Variants in SHTN1 observed in about 807,000 individuals in gnomAD.
SHTN1 encodes the protein shootin 1.
In SHTN1, 42 loss-of-function variants were observed where a neutral mutation model predicts 83.1. The observed-to-expected ratio is 0.51, with a 90% CI of 0.39 to 0.65. SHTN1 has a LOEUF of 0.65. SHTN1 is among the 30% of genes least tolerant of loss of function. The pLI, the probability that SHTN1 is intolerant of heterozygous loss-of-function variation, is 0.00. For synonymous variants in SHTN1, 224 were observed against 247.7 expected (o/e 0.90, Z 0.90); for missense variants, 622 against 737.8 (o/e 0.84, Z 1.82).
intron 7 of SHTN1, among the ~76,000 whole-genome samples, chr10:116,946,556 G>T (rs746137436): frequency 9.5e-6 from 1 of 105,764 alleles, no homozygotes; most frequent in African/African-American, 3.9e-5. Flanking sequence ...TATATAAAAT[G>T]ATTTATATAT....
chr10:116,912,406 A>C (rs1848234195), intron 13 of SHTN1, among the ~76,000 whole-genome samples: 1 of 152,212 alleles, frequency 6.6e-6, no homozygotes, highest in Non-Finnish European at 1.5e-5. Context: ...CTACAGGAGA[A>C]AGTTAGCATG....
At position 116,915,657 on chromosome 10, in the gene SHTN1, GA is replaced by G. The variant is rs1848358472; in HGVS notation, c.1196-174del. On this transcript the variant is annotated intron_variant, in intron 12 of 16. Transcript: ENST00000355371. Reference sequence around the variant, plus strand: ...CAGCTATCAGGTAGCAACACTTAAAGAAAAAACTTTTAGAGAAAAAATCTGA... The same window carrying G: ...CAGCTATCAGGTAGCAACACTTAAAGAAAAACTTTTAGAGAAAAAATCTGA... Among the ~76,000 whole-genome samples the G allele has an allele frequency of 5.3e-5, 8 of 152,150 alleles. 1 individual carries two copies. In the South Asian group the frequency reaches 1.7e-3, roughly 32 times the overall value.
chr10:117,112,870 T>A (rs1853788129), intron 1 of SHTN1, among the ~76,000 whole-genome samples: 1 of 152,246 alleles, frequency 6.6e-6, no homozygotes, highest in Non-Finnish European at 1.5e-5. Context: ...ACATATATGA[T>A]TTATCAACCA....
Position 116,975,662 on chromosome 10 carries a change from T to C in SHTN1, c.111+3594A>G, listed in dbSNP as rs184998183. On this transcript the variant is annotated intron_variant, in intron 2 of 16. Coordinates refer to ENST00000355371, the MANE Select transcript of SHTN1 (RefSeq NM_001127211.3). ...AAGTCACTGATAAAAAAAAAAAACATAAAAGAGTCAGCAGTTTTCCTAAAA... is the reference window on the plus strand; with the variant it reads ...AAGTCACTGATAAAAAAAAAAAACACAAAAGAGTCAGCAGTTTTCCTAAAA... 2.0e-5 allele frequency among the ~76,000 whole-genome samples: 3 copies of C among 147,478 alleles called. No homozygotes were observed. In the East Asian group the frequency reaches 6.0e-4, roughly 30 times the overall value.
chr10:116,892,072 A>G lies in SHTN1; in HGVS notation c.1674-5506T>C, dbSNP rs189126065. 9.8e-5 allele frequency among the ~76,000 whole-genome samples: 15 copies of G among 152,330 alleles called. No homozygotes were observed. The East Asian group carries it at 2.7e-3, about 27-fold the overall frequency. ...ACATGAACAAGAATTCCTTTTTAAC[A>G]TAGGTAACAATGGCTGGGCAAAGAT... On this transcript the variant is annotated intron_variant, in intron 16 of 16. Coordinates refer to ENST00000355371, the MANE Select transcript of SHTN1 (RefSeq NM_001127211.3).
rs371738555 is a variant in SHTN1 at position 117,099,009 on chromosome 10, TACACAC to T, written c.-189+27292_-189+27297del. Among the ~76,000 whole-genome samples, 1,069 of 141,124 alleles carry T rather than the reference TACACAC, an allele frequency of 7.6e-3. 1 individual carries two copies. Among genetic ancestry groups the T allele is most frequent in the Admixed American group, 0.012 (168 of 13,940 alleles). The allele number at this position is 141,124 out of a possible 152,430, so 92.6% of individuals were successfully genotyped here. ...TTCCACAAAGAAAATGTGGTATGTA[TACACAC>T]ACACACACACACACACACACACACA... On this transcript the variant is annotated intron_variant, in intron 1 of 17. Transcript: ENST00000392901.
At chr10:116,967,856 C>A (rs1850453491) in intron 3 of SHTN1, among the ~76,000 whole-genome samples, 1 of 152,170 alleles carries the variant, frequency 6.6e-6, no homozygotes. Flanking sequence ...CATTATGGTA[C>A]TATCCTATAA....
chr10:116,903,852 C>A, intron 15 of SHTN1, among the ~76,000 whole-genome samples: 1 of 152,268 alleles, frequency 6.6e-6, no homozygotes. Context: ...TACAAAAAGA[C>A]ATTTTAAAAA....
At chr10:116,949,217 T>C (rs567696330) in intron 6 of SHTN1, among the ~76,000 whole-genome samples, 1 of 152,338 alleles carries the variant, frequency 6.6e-6, no homozygotes, top group South Asian at 2.1e-4. Context: ...AACTTATTTA[T>C]ATATTCCAGT....
chr10:117,008,951 T>G (rs1589893631), upstream of SHTN1, among the ~76,000 whole-genome samples: 2 of 152,078 alleles, frequency 1.3e-5, no homozygotes, highest in African/African-American at 4.8e-5. Flanking sequence ...CAATCTCTAT[T>G]AAAAATATAA....
chr10:116,984,201 C>T (rs1207450170), intron 1 of SHTN1, among the ~76,000 whole-genome samples: 2 of 152,146 alleles, frequency 1.3e-5, no homozygotes. Context: ...TATTTCCAAC[C>T]AATACTTACC....
At chr10:117,121,334 T>C (rs528810784) in intron 1 of SHTN1, among the ~76,000 whole-genome samples, 1 of 152,260 alleles carries the variant, frequency 6.6e-6, no homozygotes, top group South Asian at 2.1e-4. Flanking sequence ...TCCCAGCAAT[T>C]TGGGAGGCCG....
At chr10:116,972,677 G>A (rs1850659431) in intron 2 of SHTN1, among the ~76,000 whole-genome samples, 1 of 152,148 alleles carries the variant, frequency 6.6e-6, no homozygotes, top group Non-Finnish European at 1.5e-5. Flanking sequence ...CTTTTTGTGT[G>A]AGAATTGCTC....
chr10:117,062,418 C>T (rs1398689087), intron 1 of SHTN1, among the ~76,000 whole-genome samples: 4 of 152,130 alleles, frequency 2.6e-5, no homozygotes, highest in Admixed American at 2.6e-4. Context: ...AATTGGACAT[C>T]AATGAATTAG....
At chr10:116,943,028 G>T (rs1221632301) in intron 8 of SHTN1, among the ~76,000 whole-genome samples, 1 of 152,176 alleles carries the variant, frequency 6.6e-6, no homozygotes, top group Non-Finnish European at 1.5e-5. Context: ...TTAAAAAAAA[G>T]TTTTCTTCTC....
intron 1 of SHTN1, among the ~76,000 whole-genome samples, chr10:117,101,296 G>A (rs1853588825): frequency 6.6e-6 from 1 of 152,100 alleles, no homozygotes; most frequent in Non-Finnish European, 1.5e-5. Context: ...GAGTTTCAGG[G>A]ATAGGCAGCT....
rs193174542 is a variant in SHTN1 at position 116,922,429 on chromosome 10, T to C, written c.1113-913A>G. Among the ~76,000 whole-genome samples the C allele has an allele frequency of 4.4e-3, 668 of 151,988 alleles. 6 individuals are homozygous for C. The highest frequency in any genetic ancestry group is 0.015 in the African/African-American group (621 of 41,460). On this transcript the variant is annotated intron_variant, in intron 11 of 16. Coordinates refer to ENST00000355371, the MANE Select transcript of SHTN1 (RefSeq NM_001127211.3). Reference sequence around the variant, plus strand: ...ATTATCTAGTAGAGCCAAAAATATATGTATCTTATGAGCCAGTGATTCCAC... The same window carrying C: ...ATTATCTAGTAGAGCCAAAAATATACGTATCTTATGAGCCAGTGATTCCAC...
At chr10:117,019,495 T>TA (rs957212926) in intron 2 of SHTN1, among the ~76,000 whole-genome samples, 25 of 150,994 alleles carry the variant, frequency 1.7e-4, no homozygotes, top group East Asian at 5.8e-4. Context: ...TAAAAACATT[T>TA]AAAAAAAAAT....
intron 1 of SHTN1, among the ~76,000 whole-genome samples, chr10:117,099,681 A>T (rs1853560333): frequency 6.6e-6 from 1 of 152,186 alleles, no homozygotes; most frequent in South Asian, 2.1e-4. Context: ...AGTTTTTTCA[A>T]ATGTCTAGCA....
Sources: gnomAD v4.1 joint callset for allele counts (sites outside exome capture counted in the v4.1 genomes callset) on GRCh38, gnomAD v4.1.1 for gene constraint, MANE v1.5 for transcripts, NCBI Gene and HGNC (gene_info 2026-07-23, HGNC 2026-07-21) for gene names.